GABRB1: variants seen among roughly 807,000 people sequenced by gnomAD.
GABRB1 encodes gamma-aminobutyric acid type A receptor subunit beta1.
Under a neutral mutation model 51.6 loss-of-function variants are expected in GABRB1, and 17 were observed. The ratio of observed to expected loss-of-function variants is 0.33; its 90% CI spans 0.23 to 0.49. GABRB1 has a LOEUF of 0.49. GABRB1 is among the 20% of genes least tolerant of loss of function. The pLI is 0.99. For missense variants in GABRB1, 410 were observed against 600.6 expected (o/e 0.68, Z 3.32); for synonymous variants, 247 against 218.9 (o/e 1.13, Z -1.14).
intron 4 of GABRB1, among the ~76,000 whole-genome samples, chr4:47,230,445 G>T (rs1721100148): frequency 6.6e-6 from 1 of 152,180 alleles, no homozygotes; most frequent in South Asian, 2.1e-4. Context: ...GTCAGAGAGA[G>T]ATTTGGGGAG....
At chr4:47,147,054 G>A (rs895539539) in intron 3 of GABRB1, among the ~76,000 whole-genome samples, 10 of 151,790 alleles carry the variant, frequency 6.6e-5, no homozygotes, top group Non-Finnish European at 1.3e-4. Flanking sequence ...AGTGGATAAG[G>A]CACATTTAAA....
intron 4 of GABRB1, among the ~76,000 whole-genome samples, chr4:47,198,800 C>T (rs1265380423): frequency 1.3e-5 from 2 of 152,166 alleles, no homozygotes; most frequent in East Asian, 3.8e-4. Flanking sequence ...TTGATTGACT[C>T]ACGGTTCAGC....
intron 3 of GABRB1, among the ~76,000 whole-genome samples, chr4:47,118,703 C>A (rs1308167288): frequency 1.3e-5 from 2 of 152,216 alleles, no homozygotes; most frequent in East Asian, 3.9e-4. Flanking sequence ...AGTACACACA[C>A]AAACATCCTA....
intron 3 of GABRB1, among the ~76,000 whole-genome samples, chr4:47,067,425 A>G (rs1727133764): frequency 6.6e-6 from 1 of 152,204 alleles, no homozygotes; most frequent in African/African-American, 2.4e-5. Flanking sequence ...TCTAGATGTC[A>G]TCTTCTTCCA....
intron 3 of GABRB1, among the ~76,000 whole-genome samples, chr4:47,141,091 T>TA (rs75188109): frequency 1.1e-4 from 16 of 150,480 alleles, no homozygotes; most frequent in South Asian, 2.1e-4. Context: ...CAGTTTTTTT[T>TA]AAAAAAAAAC....
intron 3 of GABRB1, among the ~76,000 whole-genome samples, chr4:47,116,465 CAT>C (rs1715443282): frequency 6.6e-6 from 1 of 152,160 alleles, no homozygotes; most frequent in Admixed American, 6.5e-5. Context: ...ATCACTATAA[CAT>C]AATGTTTAGT....
intron 5 of GABRB1, among the ~76,000 whole-genome samples, chr4:47,364,095 G>A (rs764987080): frequency 5.3e-5 from 8 of 152,170 alleles, no homozygotes; most frequent in Non-Finnish European, 4.4e-5. Flanking sequence ...AAAACTGCAT[G>A]CATCAGAGAC....
intron 4 of GABRB1, among the ~76,000 whole-genome samples, chr4:47,299,520 C>T (rs1314495043): frequency 2.0e-5 from 3 of 152,104 alleles, no homozygotes; most frequent in South Asian, 2.1e-4. Flanking sequence ...CAGAGAAATG[C>T]AAATCAAAAC....
At chr4:47,347,053 G>T (rs921287255) in intron 5 of GABRB1, among the ~76,000 whole-genome samples, 1 of 152,062 alleles carries the variant, frequency 6.6e-6, no homozygotes, top group Non-Finnish European at 1.5e-5. Context: ...AGGCTGAGGC[G>T]GGTGGATCAC....
chr4:47,106,006 C>T (rs953561055), intron 3 of GABRB1, among the ~76,000 whole-genome samples: 1 of 152,088 alleles, frequency 6.6e-6, no homozygotes, highest in South Asian at 2.1e-4. Flanking sequence ...ATTAGAGGTG[C>T]CTACTTTTCC....
chr4:47,395,134 G>A (rs1338787504), intron 5 of GABRB1, among the ~76,000 whole-genome samples: 1 of 152,154 alleles, frequency 6.6e-6, no homozygotes, highest in Admixed American at 6.5e-5. Context: ...GAAACAACTG[G>A]TGATCCACTA....
intron 4 of GABRB1, among the ~76,000 whole-genome samples, chr4:47,259,450 A>G (rs963774231): frequency 6.6e-6 from 1 of 152,178 alleles, no homozygotes; most frequent in Non-Finnish European, 1.5e-5. Flanking sequence ...TAATGTTTAT[A>G]GTATACTTTT....
At chr4:47,388,803 G>A (rs6813436) in intron 5 of GABRB1, among the ~76,000 whole-genome samples, 19,569 of 152,040 alleles carry the variant, frequency 0.13, 1,436 homozygotes, top group African/African-American at 0.18. Flanking sequence ...AAGGACCAGA[G>A]CCTGGAGAAT....
At chr4:47,231,859 T>C (rs1396999075) in intron 4 of GABRB1, among the ~76,000 whole-genome samples, 1 of 152,200 alleles carries the variant, frequency 6.6e-6, no homozygotes, top group African/African-American at 2.4e-5. Context: ...TCTGTTGGAG[T>C]TCCAATAAAA....
intron 4 of GABRB1, among the ~76,000 whole-genome samples, chr4:47,213,453 ACTCT>A (rs145868309): frequency 1.2e-4 from 15 of 127,470 alleles, no homozygotes; most frequent in African/African-American, 1.7e-4. Context: ...TCTCTCTCTC[ACTCT>A]CTCTCTCTCT....
At chr4:47,143,977 T>C (rs1442100) in intron 3 of GABRB1, among the ~76,000 whole-genome samples, 59,285 of 151,738 alleles carry the variant, frequency 0.39, 11,902 homozygotes, top group African/African-American at 0.46. Flanking sequence ...TGAAAAAGTA[T>C]TTCTAAATAT....
chr4:47,106,640 G>C (rs9291303), intron 3 of GABRB1, among the ~76,000 whole-genome samples: 10,102 of 151,860 alleles, frequency 0.067, 865 homozygotes, highest in African/African-American at 0.2. Flanking sequence ...GTCTACATTA[G>C]CCTTGGTCTA....
intron 4 of GABRB1, among the ~76,000 whole-genome samples, chr4:47,246,189 C>T (rs1406407560): frequency 6.8e-6 from 1 of 146,554 alleles, no homozygotes; most frequent in Non-Finnish European, 1.5e-5. Context: ...TCCTGAGTTA[C>T]TTCAGTTAGA....
chr4:47,106,059 A>AT (rs1714956159), intron 3 of GABRB1, among the ~76,000 whole-genome samples: 1 of 152,114 alleles, frequency 6.6e-6, no homozygotes, highest in African/African-American at 2.4e-5. Context: ...CTCAGCACTC[A>AT]TTAATTCAAG....
Sources: gnomAD v4.1 joint callset for allele counts (sites outside exome capture counted in the v4.1 genomes callset) on GRCh38, gnomAD v4.1.1 for gene constraint, MANE v1.5 for transcripts, NCBI Gene and HGNC (gene_info 2026-07-23, HGNC 2026-07-21) for gene names.